FAH: variants seen among roughly 807,000 people sequenced by gnomAD.
The protein encoded by FAH is fumarylacetoacetate hydrolase.
In FAH, 47 loss-of-function variants were observed where a neutral mutation model predicts 55.8. The ratio of observed to expected loss-of-function variants is 0.84; its 90% CI spans 0.67 to 1.07. The LOEUF is 1.07. Among genes scored for constraint, FAH ranks in the 50% least tolerant of loss-of-function variants. The pLI, the probability that FAH is intolerant of heterozygous loss-of-function variation, is 0.00. For missense variants in FAH, 495 were observed against 545.9 expected (o/e 0.91, Z 0.93); for synonymous variants, 199 against 207.7 (o/e 0.96, Z 0.36).
At chr15:80,174,459 T>C (rs2041266027) in intron 9 of FAH, among the ~76,000 whole-genome samples, 1 of 152,264 alleles carries the variant, frequency 6.6e-6, no homozygotes, top group African/African-American at 2.4e-5. Flanking sequence ...CACTGTTTCA[T>C]AACCATTAGT....
rs2041295310 is a variant in FAH, at chr15:80,177,581, A to G, written c.958A>G (p.Lys320Glu). The part of the protein sequence containing the change: ...QAATICKSNF[K>E]YMYWTMLQQL... ...GGCTACCATATGCAAGTCCAATTTT[A>G]AGGTAAGCTTTGACGCTGATCAGAC... Residue 320 changes from lysine (K) to glutamate (E), a missense_variant and splice_region_variant, in exon 11 of 14, where the codon AAG becomes GAG. Coordinates refer to ENST00000561421, the MANE Select transcript of FAH (RefSeq NM_000137.4). The G allele has an allele frequency of 6.2e-7, 1 of 1,613,532 alleles. No individual in the cohort carries two copies. The highest frequency in any genetic ancestry group is 2.2e-5 in the East Asian group (1 of 44,896).
At chr15:80,172,316 A>G in intron 8 of FAH, 68 bp downstream of exon 8, 1 of 1,176,204 alleles carries the variant, frequency 8.5e-7, no homozygotes, top group Non-Finnish European at 1.3e-6. Context: ...GCAATTTCAT[A>G]GAAGCTGAAG....
At chr15:80,157,664 C>A in intron 1 of FAH, 1 of 334,620 alleles carries the variant, frequency 3.0e-6, no homozygotes. Context: ...CTACCCTAGT[C>A]AAGGCCTAGA....
chr15:80,182,862 C>A (rs755660805), intron 13 of FAH, among the ~76,000 whole-genome samples: 3 of 152,148 alleles, frequency 2.0e-5, no homozygotes, highest in Non-Finnish European at 4.4e-5. Flanking sequence ...AAAGCATTTT[C>A]TGAAGTTTTG....
At position 80,153,132 on chromosome 15, in the gene FAH, C is replaced by T; in HGVS notation, c.78C>T (p.Gly26=). ...CCTACGGCGTCTTCTCGACCAGAGG[C>T]GACGTGAGCAGTGGGGCTTTGGCGT... ...NLPYGVFSTR[G]DPRPRIGVAI... The change falls in exon 1 of 14, where the codon GGC becomes GGT. Residue 26 remains glycine, a synonymous_variant. Coordinates refer to ENST00000561421, the MANE Select transcript of FAH (RefSeq NM_000137.4). 1 of 1,604,594 alleles carries T rather than the reference C, an allele frequency of 6.2e-7. No homozygotes were observed. The highest frequency in any genetic ancestry group is 8.5e-7 in the Non-Finnish European group (1 of 1,175,734).
Position 80,168,130 on chromosome 15 carries a change from AC to A in FAH, c.535del (p.Gln179ArgfsTer2). 6.2e-7 allele frequency: 1 copy of A among 1,613,908 alleles called. No individual in the cohort carries two copies. Among genetic ancestry groups the A allele is most frequent in the Non-Finnish European group, 8.5e-7 (1 of 1,179,966 alleles). On this transcript the variant is annotated frameshift_variant, in exon 6 of 14. Transcript: ENST00000561421. LOFTEE classifies it high-confidence loss of function. Reference protein sequence around the residue: ...SGTPIRRPMGQMKPDDSKPPV... With the variant: ...SGTPIRRPMGXMKPDDSKPPV... The stretch of plus-strand genomic sequence containing the variant: ...GCACCCCAATCCGAAGGCCCATGGG[AC>A]AGATGAAACCTGATGACTGTGAGTG...
chr15:80,177,645 T>C, intron 11 of FAH, 62 bp downstream of exon 11: 1 of 1,459,088 alleles, frequency 6.9e-7, no homozygotes, highest in Non-Finnish European at 9.6e-7. Context: ...CTTTTCTTCC[T>C]GGCAGGAACA....
chr15:80,175,662 G>A (rs1192995706), intron 10 of FAH, among the ~76,000 whole-genome samples: 4 of 152,196 alleles, frequency 2.6e-5, no homozygotes, highest in Non-Finnish European at 5.9e-5. Flanking sequence ...CCGCCTCCGC[G>A]AACAGGCCCA....
At chr15:80,173,184 T>G in intron 9 of FAH, 40 bp downstream of exon 9, 1 of 1,614,048 alleles carries the variant, frequency 6.2e-7, no homozygotes, top group South Asian at 1.1e-5. Flanking sequence ...AACCCAGCCC[T>G]GCTGCCTCTG....
Position 80,175,049 on chromosome 15 carries a change from G to A in FAH, c.871G>A (p.Glu291Lys), listed in dbSNP as rs778070751. The part of the protein sequence containing the change: ...PRPLPYLCHD[E>K]PYTFDINLSV... ...GCCCCTGCCGTATCTGTGCCATGAC[G>A]AGCCCTACACATTTGACATCAACCT... The change falls in exon 10 of 14, where the codon GAG becomes AAG. Residue 291 changes from glutamate (E) to lysine (K), a missense_variant. Transcript: ENST00000561421. 2.5e-6 allele frequency: 4 copies of A among 1,614,132 alleles called. No homozygotes were observed. Among genetic ancestry groups the A allele is most frequent in the African/African-American group, 1.3e-5 (1 of 75,044 alleles).
At chr15:80,177,039 G>T (rs914385673) in intron 10 of FAH, among the ~76,000 whole-genome samples, 1 of 152,216 alleles carries the variant, frequency 6.6e-6, no homozygotes, top group East Asian at 1.9e-4. Context: ...CAACAGCCCG[G>T]TACCTTGCAT....
intron 5 of FAH, among the ~76,000 whole-genome samples, chr15:80,164,583 C>T (rs1193933208): frequency 7.9e-5 from 12 of 152,074 alleles, no homozygotes; most frequent in African/African-American, 2.2e-4. Context: ...CTTATGCATA[C>T]ATTAGTTCCA....
At chr15:80,171,882 G>T in intron 7 of FAH, among the ~76,000 whole-genome samples, 1 of 152,240 alleles carries the variant, frequency 6.6e-6, no homozygotes, top group East Asian at 1.9e-4. Context: ...AGTGGCCTGG[G>T]ATGCACTGAA....
At chr15:80,158,496 T>C (rs1381896107) in intron 2 of FAH, among the ~76,000 whole-genome samples, 1 of 152,208 alleles carries the variant, frequency 6.6e-6, no homozygotes, top group African/African-American at 2.4e-5. Context: ...TGTTTGAGCC[T>C]CTGCCTGTCC....
chr15:80,182,939 A>G (rs1246952936), intron 13 of FAH, among the ~76,000 whole-genome samples: 3 of 152,214 alleles, frequency 2.0e-5, no homozygotes, highest in African/African-American at 7.2e-5. Flanking sequence ...CTCTGTTGTC[A>G]GTGTGATAAG....
chr15:80,152,887 C>A (rs1047324737), upstream of FAH: 2 of 608,648 alleles, frequency 3.3e-6, no homozygotes, highest in Non-Finnish European at 5.8e-6. Flanking sequence ...GGGGTGTTCA[C>A]GGTGAGACCA....
At chr15:80,152,802 G>A (rs1171453760), upstream of FAH, 10 of 470,500 alleles carry the variant, frequency 2.1e-5, no homozygotes, top group African/African-American at 2.0e-4. Context: ...CTGGAAGGGC[G>A]GGCGAGACTG....
chr15:80,160,265 G>C (rs1004102445), intron 3 of FAH, 145 bp from the exon 4 acceptor site: 5 of 823,276 alleles, frequency 6.1e-6, no homozygotes, highest in South Asian at 4.1e-5. Context: ...GCTGTGAAAG[G>C]TTCAGCATAG....
chr15:80,161,115 G>A (rs1342129574), intron 4 of FAH, among the ~76,000 whole-genome samples: 1 of 152,136 alleles, frequency 6.6e-6, no homozygotes, highest in Non-Finnish European at 1.5e-5. Context: ...GATGGGGTTG[G>A]GGACAGGGGC....
Sources: allele counts gnomAD v4.1 joint callset (sites outside exome capture counted in the v4.1 genomes callset), GRCh38; gene constraint gnomAD v4.1.1; transcripts MANE v1.5; gene names NCBI Gene and HGNC (gene_info 2026-07-23, HGNC 2026-07-21).